The following AK9 variants were observed in gnomAD, a reference collection of about 807,000 sequenced individuals.
AK9 encodes the protein adenylate kinase 9.
A neutral mutation model predicts 239.6 loss-of-function variants in AK9; 191 were observed. That is an observed-to-expected ratio of 0.80 (90% CI 0.71 to 0.90). The LOEUF is 0.90. AK9 is among the 40% of genes least tolerant of loss of function. The pLI, the probability that AK9 is intolerant of heterozygous loss-of-function variation, is 0.00. For missense variants in AK9, 1,995 were observed against 2,214.7 expected (o/e 0.90, Z 1.99); for synonymous variants, 689 against 721.0 (o/e 0.96, Z 0.71).
chr6:109,500,725 G>A (rs1777522671), intron 35 of AK9, among the ~76,000 whole-genome samples: 1 of 152,076 alleles, frequency 6.6e-6, no homozygotes, highest in South Asian at 2.1e-4. Context: ...TTTTGGAAAC[G>A]CATCACACTC....
chr6:109,503,873 G>A (rs1245971660), intron 35 of AK9, among the ~76,000 whole-genome samples: 1 of 152,150 alleles, frequency 6.6e-6, no homozygotes, highest in Non-Finnish European at 1.5e-5. Context: ...AGGGTGGAGA[G>A]GATACAAAGC....
At chr6:109,585,825 G>C in intron 18 of AK9, 91 bp downstream of exon 18, 2 of 1,220,718 alleles carry the variant, frequency 1.6e-6, no homozygotes, top group Non-Finnish European at 2.2e-6. Flanking sequence ...TTTCTATCTA[G>C]GAAGAGTGGA....
At chr6:109,574,579 A>C (rs905889115) in intron 20 of AK9, among the ~76,000 whole-genome samples, 1 of 152,188 alleles carries the variant, frequency 6.6e-6, no homozygotes, top group African/African-American at 2.4e-5. Flanking sequence ...GGAAATAATA[A>C]ATTTCAGTTA....
chr6:109,534,124 G>A (rs906313246), intron 27 of AK9, among the ~76,000 whole-genome samples: 2 of 151,494 alleles, frequency 1.3e-5, no homozygotes, highest in African/African-American at 4.9e-5. Flanking sequence ...ATATTCAAAT[G>A]GGATTGTCAA....
At chr6:109,647,845 A>C (rs1798297138) in intron 8 of AK9, among the ~76,000 whole-genome samples, 1 of 152,076 alleles carries the variant, frequency 6.6e-6, no homozygotes, top group Non-Finnish European at 1.5e-5. Flanking sequence ...GGAAGTAAAG[A>C]ACTCCTCAGC....
At chr6:109,632,858 T>TAGACATAG in intron 12 of AK9, 65 bp downstream of exon 12, 3 of 953,022 alleles carry the variant, frequency 3.1e-6, no homozygotes, top group Non-Finnish European at 4.1e-6. Flanking sequence ...ACATGACAGA[T>TAGACATAG]AGACATAGAT....
intron 35 of AK9, among the ~76,000 whole-genome samples, chr6:109,501,782 G>T (rs916695242): frequency 2.0e-5 from 3 of 152,224 alleles, no homozygotes; most frequent in Admixed American, 2.0e-4. Flanking sequence ...AGCCATGAAT[G>T]AATCCTGACC....
intron 12 of AK9, among the ~76,000 whole-genome samples, chr6:109,621,382 C>T (rs2128250565): frequency 3.4e-5 from 1 of 29,576 alleles, no homozygotes; most frequent in South Asian, 9.8e-4. Context: ...CCCAGCCATC[C>T]CATTACTGGG....
chr6:109,673,920 G>A (rs1771302121), intron 3 of AK9, among the ~76,000 whole-genome samples: 1 of 151,182 alleles, frequency 6.6e-6, no homozygotes, highest in Non-Finnish European at 1.5e-5. Flanking sequence ...GACTGTTTGA[G>A]CCCAGGAGTT....
rs556978567 is a variant in AK9 at position 109,509,518 on chromosome 6, G to C, written c.4280-138C>G. The stretch of plus-strand genomic sequence containing the variant: ...TCCTGTCCCCCAAGTAGCAAACATA[G>C]TGATGGCAGTGGCTGCTGCCATCAC... On this transcript the variant is annotated intron_variant, in intron 32 of 40. Coordinates refer to ENST00000424296, the MANE Select transcript of AK9 (RefSeq NM_001145128.3). 95 of 759,982 alleles carry C rather than the reference G, an allele frequency of 1.3e-4. 3 individuals carry two copies. The South Asian group carries it at 1.8e-3, about 15-fold the overall frequency. 47.1% of individuals were successfully genotyped at this position (759,982 alleles called of 1,614,324 possible). A position where few individuals can be genotyped will look rare whatever the true frequency, so the allele number is the denominator to read the frequency against.
chr6:109,656,042 T>C (rs971433), intron 8 of AK9, among the ~76,000 whole-genome samples: 95,281 of 152,048 alleles, frequency 0.63, 30,530 homozygotes, highest in South Asian at 0.84. Context: ...CATATGGGAA[T>C]AGGCAATTGG....
chr6:109,677,627 G>A (rs1005211176), intron 1 of AK9, among the ~76,000 whole-genome samples: 1 of 151,974 alleles, frequency 6.6e-6, no homozygotes, highest in South Asian at 2.1e-4. Context: ...TTTAAAATTG[G>A]TGAATAAAAA....
chr6:109,543,136 G>A (rs1249154865), intron 26 of AK9, among the ~76,000 whole-genome samples: 3 of 152,002 alleles, frequency 2.0e-5, no homozygotes, highest in Non-Finnish European at 2.9e-5. Context: ...AATTAACTGA[G>A]GTCAAGTCTC....
chr6:109,584,009 G>A (rs1789177777), intron 19 of AK9, among the ~76,000 whole-genome samples: 2 of 152,044 alleles, frequency 1.3e-5, no homozygotes, highest in African/African-American at 2.4e-5. Context: ...TGTAACAAAA[G>A]TTTTCAAAGC....
At chr6:109,497,358 A>T (rs113462985) in intron 38 of AK9, 107 bp downstream of exon 38, 37,894 of 556,130 alleles carry the variant, frequency 0.068, 2,151 homozygotes, top group East Asian at 0.26. Context: ...ACACACACAC[A>T]CACACTCTCT....
Position 109,514,254 on chromosome 6 carries a change from C to A in AK9, c.4249G>T (p.Val1417Leu), listed in dbSNP as rs372536182. Residue 1417 changes from valine to leucine, a missense_variant, in exon 32 of 41, where the codon GTG (valine) becomes TTG (leucine). Coordinates refer to ENST00000424296, the MANE Select transcript of AK9 (RefSeq NM_001145128.3). ...GTTTTCCCAGATTTTGGAGGCCCCA[C>A]AATTATAATCCTAATGGGCACAGTA... ...KPTVPIRIII[V>L]GPPKSGKTTV... 1.0e-4 allele frequency: 156 copies of A among 1,551,436 alleles called. No individual in the cohort carries two copies. Among genetic ancestry groups the A allele is most frequent in the Non-Finnish European group, 1.3e-4 (154 of 1,146,944 alleles).
chr6:109,593,965 T>C (rs1790644533), intron 17 of AK9, among the ~76,000 whole-genome samples: 1 of 152,186 alleles, frequency 6.6e-6, no homozygotes, highest in South Asian at 2.1e-4. Context: ...AAGACAAGGA[T>C]GCCCTCTCTC....
At chr6:109,667,395 GTTTTA>G (rs1406576809) in intron 5 of AK9, among the ~76,000 whole-genome samples, 1 of 150,838 alleles carries the variant, frequency 6.6e-6, no homozygotes, top group East Asian at 1.9e-4. Flanking sequence ...TTTTTCTTTT[GTTTTA>G]TTTTATTTAT....
At chr6:109,687,734 G>GC (rs2128367386) in intron 1 of AK9, among the ~76,000 whole-genome samples, 1 of 152,336 alleles carries the variant, frequency 6.6e-6, no homozygotes, top group East Asian at 1.9e-4. Flanking sequence ...AAAACCCTGA[G>GC]CAGAGGACCC....
Sources: gnomAD v4.1 joint callset for allele counts (sites outside exome capture counted in the v4.1 genomes callset) on GRCh38, gnomAD v4.1.1 for gene constraint, MANE v1.5 for transcripts, NCBI Gene and HGNC (gene_info 2026-07-23, HGNC 2026-07-21) for gene names.